TAFA4: variants seen among roughly 807,000 people sequenced by gnomAD.
TAFA4 encodes chemokine-like protein TAFA-4.
A neutral mutation model predicts 21.1 loss-of-function variants in TAFA4; 20 were observed. That is an observed-to-expected ratio of 0.95 (90% confidence interval 0.67 to 1.38). The LOEUF (loss-of-function observed/expected upper bound fraction) is 1.38, where lower values mean the gene tolerates loss of function less well. Among genes scored for constraint, TAFA4 ranks in the 40% most tolerant of loss-of-function variants. The probability of loss-of-function intolerance (pLI) is 0.00; values close to 1 mark genes in which losing one functional copy is unlikely to be tolerated. For missense variants in TAFA4, 211 were observed against 180.9 expected (o/e 1.17, Z -0.95); for synonymous variants, 71 against 67.4 (o/e 1.05, Z -0.26).
chr3:68,866,737 C>A (rs562967113), intron 3 of TAFA4, among the ~76,000 whole-genome samples: 1,654 of 76,610 alleles, frequency 0.022, 16 homozygotes, highest in Admixed American at 0.037. Context: ...ACAACAACAA[C>A]AAAAAACAAA....
At position 68,909,719 on chromosome 3, in the gene TAFA4, G is replaced by T. The variant is rs916213918; in HGVS notation, c.-123+22521C>A. Among the ~76,000 whole-genome samples, 6 of 152,172 alleles carry T rather than the reference G, an allele frequency of 3.9e-5. No individual in the cohort carries two copies. In the South Asian group the frequency reaches 1.2e-3, roughly 32 times the overall value. On this transcript the variant is annotated intron_variant, in intron 1 of 5. Coordinates refer to ENST00000295569, the MANE Select transcript of TAFA4 (RefSeq NM_182522.5). Reference sequence around the variant, plus strand: ...TGGGACTGGGTTCAAATCCTGACACGTAATTCACATGACTGTGTTACTTAT... The same window carrying T: ...TGGGACTGGGTTCAAATCCTGACACTTAATTCACATGACTGTGTTACTTAT...
chr3:68,928,529 G>T (rs999340689), intron 1 of TAFA4, among the ~76,000 whole-genome samples: 2 of 152,142 alleles, frequency 1.3e-5, no homozygotes, highest in Non-Finnish European at 2.9e-5. Context: ...GTTCAGTTAG[G>T]TTCAAATTGC....
chr3:68,817,828 A>G (rs1704023222), intron 3 of TAFA4, among the ~76,000 whole-genome samples: 1 of 152,124 alleles, frequency 6.6e-6, no homozygotes. Context: ...CTATAAAGAT[A>G]TGTGCTGTCA....
At chr3:68,891,319 A>C (rs182309651) in intron 1 of TAFA4, among the ~76,000 whole-genome samples, 1 of 152,232 alleles carries the variant, frequency 6.6e-6, no homozygotes, top group Admixed American at 6.5e-5. Context: ...GAATCTGCTT[A>C]ATAACAAACA....
chr3:68,854,049 G>A (rs1705008019), intron 3 of TAFA4, among the ~76,000 whole-genome samples: 1 of 151,982 alleles, frequency 6.6e-6, no homozygotes. Context: ...AAAAATAAAT[G>A]AAAATATAAT....
chr3:68,867,622 C>A (rs1419241403), intron 3 of TAFA4, among the ~76,000 whole-genome samples: 2 of 152,002 alleles, frequency 1.3e-5, no homozygotes, highest in African/African-American at 4.8e-5. Flanking sequence ...ACAATGACAA[C>A]AGCAACTTAT....
At chr3:68,812,882 G>A (rs1020765764) in intron 3 of TAFA4, among the ~76,000 whole-genome samples, 1 of 150,218 alleles carries the variant, frequency 6.7e-6, no homozygotes, top group African/African-American at 2.5e-5. Context: ...ATTCTTTTCA[G>A]CACCACACCA....
intron 3 of TAFA4, among the ~76,000 whole-genome samples, chr3:68,836,512 C>T (rs1704526420): frequency 6.6e-6 from 1 of 152,190 alleles, no homozygotes; most frequent in Non-Finnish European, 1.5e-5. Flanking sequence ...TATTACTTTA[C>T]TCTGAAATCT....
intron 1 of TAFA4, among the ~76,000 whole-genome samples, chr3:68,904,421 G>T (rs949039130): frequency 6.6e-6 from 1 of 152,228 alleles, no homozygotes; most frequent in African/African-American, 2.4e-5. Context: ...GGTGTCAGAA[G>T]TCCACAGACA....
chr3:68,818,503 C>T (rs762183083), intron 3 of TAFA4, among the ~76,000 whole-genome samples: 4 of 152,176 alleles, frequency 2.6e-5, no homozygotes, highest in African/African-American at 9.7e-5. Context: ...CATATCCCAG[C>T]GTATTTCAAA....
At chr3:68,860,626 GGA>G (rs1414269942) in intron 3 of TAFA4, among the ~76,000 whole-genome samples, 1 of 151,988 alleles carries the variant, frequency 6.6e-6, no homozygotes, top group Non-Finnish European at 1.5e-5. Context: ...AAATTTGAAT[GGA>G]AAACCTCTTA....
intron 1 of TAFA4, among the ~76,000 whole-genome samples, chr3:68,896,206 G>A (rs575358992): frequency 1.7e-4 from 26 of 152,304 alleles, no homozygotes; most frequent in Middle Eastern, 3.4e-3. Flanking sequence ...GTAGGCCATA[G>A]TGTGCTGTTA....
At chr3:68,865,970 G>GA (rs1277411676) in intron 3 of TAFA4, among the ~76,000 whole-genome samples, 2 of 152,036 alleles carry the variant, frequency 1.3e-5, no homozygotes, top group African/African-American at 2.4e-5. Context: ...TTCTACACTG[G>GA]AAAAAAGTGA....
chr3:68,890,292 C>A (rs1268335735), intron 1 of TAFA4, among the ~76,000 whole-genome samples: 1 of 152,134 alleles, frequency 6.6e-6, no homozygotes, highest in African/African-American at 2.4e-5. Flanking sequence ...TATGGGAATT[C>A]TTTGTACTCT....
intron 3 of TAFA4, among the ~76,000 whole-genome samples, chr3:68,756,157 GTTTCCAAGA>G: frequency 6.6e-6 from 1 of 152,288 alleles, no homozygotes. Flanking sequence ...ATTGTTTTAG[GTTTCCAAGA>G]TTTGGGGTAA....
At chr3:68,766,550 T>TAA (rs35448199) in intron 3 of TAFA4, among the ~76,000 whole-genome samples, 2,480 of 148,462 alleles carry the variant, frequency 0.017, 71 homozygotes, top group African/African-American at 0.055. Flanking sequence ...CAATTTTTCC[T>TAA]AAAAAAAAAA....
intron 4 of TAFA4, among the ~76,000 whole-genome samples, chr3:68,741,982 CACTA>C (rs1702365746): frequency 6.6e-6 from 1 of 152,006 alleles, no homozygotes; most frequent in South Asian, 2.1e-4. Flanking sequence ...CTCAACAAAA[CACTA>C]GCAAACTGAA....
intron 5 of TAFA4, among the ~76,000 whole-genome samples, chr3:68,737,769 CTCAT>C (rs1332844500): frequency 3.9e-5 from 6 of 152,090 alleles, no homozygotes; most frequent in Non-Finnish European, 7.4e-5. Context: ...CTTAAGAGTT[CTCAT>C]TCAAAGTATT....
At chr3:68,928,883 ACCT>A (rs1369151779) in intron 1 of TAFA4, among the ~76,000 whole-genome samples, 1 of 151,886 alleles carries the variant, frequency 6.6e-6, no homozygotes, top group African/African-American at 2.4e-5. Context: ...GTAGGACAAC[ACCT>A]CCTACCCCTG....
Sources: allele counts gnomAD v4.1 joint callset (sites outside exome capture counted in the v4.1 genomes callset), GRCh38; gene constraint gnomAD v4.1.1; transcripts MANE v1.5; gene names NCBI Gene and HGNC (gene_info 2026-07-23, HGNC 2026-07-21).